The following PUM2 variants were observed in gnomAD, a reference collection of about 807,000 sequenced individuals.
PUM2 encodes the protein pumilio RNA binding family member 2.
PUM2 carries 57 observed loss-of-function variants against 124.5 expected under a neutral mutation model. The observed-to-expected ratio is 0.46, with a 90% CI of 0.37 to 0.57. The LOEUF (loss-of-function observed/expected upper bound fraction) is 0.57. Ranked by LOEUF, PUM2 falls within the 20% of genes least tolerant of loss-of-function variation. The pLI is 0.00. For synonymous variants in PUM2, 460 were observed against 446.1 expected (o/e 1.03, Z -0.39); for missense variants, 1,065 against 1,290.6 (o/e 0.83, Z 2.68).
chr2:20,324,313 T>C (rs1425924649), intron 2 of PUM2, among the ~76,000 whole-genome samples: 1 of 152,176 alleles, frequency 6.6e-6, no homozygotes, highest in East Asian at 1.9e-4. Context: ...ACATAGAATC[T>C]TAGTACACAG....
intron 13 of PUM2, among the ~76,000 whole-genome samples, chr2:20,276,442 T>C (rs1670289201): frequency 1.3e-5 from 2 of 152,026 alleles, no homozygotes; most frequent in African/African-American, 4.8e-5. Context: ...TAATCTGGAA[T>C]TAATTCCAAC....
chr2:20,333,586 AAT>A (rs1374836976), intron 1 of PUM2, among the ~76,000 whole-genome samples: 1 of 152,180 alleles, frequency 6.6e-6, no homozygotes, highest in Non-Finnish European at 1.5e-5. Flanking sequence ...GAAGCAAGAA[AAT>A]GCATTAATAT....
At chr2:20,321,367 T>C (rs1682322109) in intron 2 of PUM2, among the ~76,000 whole-genome samples, 1 of 152,168 alleles carries the variant, frequency 6.6e-6, no homozygotes, top group Admixed American at 6.5e-5. Flanking sequence ...TGTAAACCAC[T>C]TACCAAGTGT....
intron 16 of PUM2, among the ~76,000 whole-genome samples, chr2:20,256,519 C>T (rs146919343): frequency 2.0e-5 from 3 of 152,272 alleles, no homozygotes; most frequent in African/African-American, 4.8e-5. Context: ...TAATATTTAT[C>T]GGGCGGTAAC....
chr2:20,318,563 C>T lies in PUM2; in HGVS notation c.134G>A (p.Trp45Ter). 6.2e-7 allele frequency: 1 copy of T among 1,613,288 alleles called. No individual in the cohort carries two copies. Among genetic ancestry groups the T allele is most frequent in the Non-Finnish European group, 8.5e-7 (1 of 1,179,528 alleles). Residue 45 changes from tryptophan (W) to a stop codon, truncating the protein, a stop_gained, in exon 3 of 21, where the codon TGG becomes TAG. Transcript: ENST00000361078. LOFTEE classifies it high-confidence loss of function. Reference sequence around the variant, plus strand: ...AGAAGCTCCCCATGCAGTCTCTCTCCATTCATCATCCCCAAGAAATATGCC... The same window carrying T: ...AGAAGCTCCCCATGCAGTCTCTCTCTATTCATCATCCCCAAGAAATATGCC... ...QKGIFLGDDEWRETAWGASHH... is the reference protein window; with the variant it reads ...QKGIFLGDDE
chr2:20,298,073 A>G (rs1572788589), intron 7 of PUM2, among the ~76,000 whole-genome samples: 1 of 152,268 alleles, frequency 6.6e-6, no homozygotes, highest in Admixed American at 6.5e-5. Context: ...TCAATCTTAT[A>G]AAGTCACATT....
At chr2:20,273,824 T>C (rs947698232) in intron 13 of PUM2, among the ~76,000 whole-genome samples, 2 of 152,182 alleles carry the variant, frequency 1.3e-5, no homozygotes, top group African/African-American at 4.8e-5. Context: ...ATATAACATA[T>C]GTGCTTAGAC....
intron 1 of PUM2, among the ~76,000 whole-genome samples, chr2:20,344,548 A>C (rs997512371): frequency 2.0e-5 from 3 of 152,024 alleles, no homozygotes; most frequent in Admixed American, 6.6e-5. Flanking sequence ...TATCTCTCCT[A>C]TCTCTCTTTT....
At chr2:20,290,879 G>T in intron 9 of PUM2, 89 bp from the exon 10 acceptor site, 1 of 1,065,646 alleles carries the variant, frequency 9.4e-7, no homozygotes, top group Non-Finnish European at 1.3e-6. Context: ...ATTACAAACA[G>T]CCTTTGGATA....
At chr2:20,293,353 T>C (rs1674697144) in intron 9 of PUM2, among the ~76,000 whole-genome samples, 1 of 152,182 alleles carries the variant, frequency 6.6e-6, no homozygotes, top group Non-Finnish European at 1.5e-5. Flanking sequence ...TATTAAACAA[T>C]GAAGTGATAT....
intron 3 of PUM2, among the ~76,000 whole-genome samples, chr2:20,314,497 T>G (rs533351717): frequency 6.6e-6 from 1 of 152,242 alleles, no homozygotes; most frequent in Admixed American, 6.5e-5. Context: ...AACATTCAAA[T>G]AGTTTTTGCT....
intron 8 of PUM2, among the ~76,000 whole-genome samples, chr2:20,296,330 C>T (rs1490422845): frequency 1.3e-5 from 2 of 151,980 alleles, no homozygotes; most frequent in Non-Finnish European, 2.9e-5. Context: ...CCCGTCTCTA[C>T]GAAAAATACA....
intron 3 of PUM2, among the ~76,000 whole-genome samples, chr2:20,318,251 A>T (rs939967907): frequency 6.6e-6 from 1 of 152,188 alleles, no homozygotes; most frequent in South Asian, 2.1e-4. Flanking sequence ...AAAACCCTTG[A>T]TAAAATCTTA....
chr2:20,331,676 T>C (rs1055672520), intron 1 of PUM2: 2 of 151,042 alleles, frequency 1.3e-5, no homozygotes, highest in South Asian at 2.1e-4. Context: ...GTAGTAGACA[T>C]GAATTTTTCT....
At chr2:20,260,186 G>A (rs1665828813) in intron 15 of PUM2, 151 bp downstream of exon 15, 1 of 834,678 alleles carries the variant, frequency 1.2e-6, no homozygotes, top group South Asian at 2.6e-5. Flanking sequence ...TGGATAAAAT[G>A]TTTACCGCAT....
intron 14 of PUM2, among the ~76,000 whole-genome samples, 160 bp from the exon 15 acceptor site, chr2:20,260,626 T>C (rs538532544): frequency 6.6e-6 from 1 of 152,312 alleles, no homozygotes; most frequent in East Asian, 1.9e-4. Flanking sequence ...AAAAGTTATA[T>C]AGCATTTCTT....
chr2:20,266,306 G>A (rs1667632031), intron 13 of PUM2, among the ~76,000 whole-genome samples: 3 of 152,046 alleles, frequency 2.0e-5, no homozygotes, highest in Non-Finnish European at 4.4e-5. Flanking sequence ...AGCCAGGAGT[G>A]GTGGTGTGTG....
intron 10 of PUM2, among the ~76,000 whole-genome samples, chr2:20,284,862 G>A: frequency 6.6e-6 from 1 of 152,146 alleles, no homozygotes; most frequent in East Asian, 1.9e-4. Flanking sequence ...GTTGTTTTTA[G>A]TAAATACAGT....
intron 7 of PUM2, among the ~76,000 whole-genome samples, chr2:20,303,542 C>T (rs1677504987): frequency 6.7e-6 from 1 of 149,692 alleles, no homozygotes; most frequent in African/African-American, 2.5e-5. Flanking sequence ...TTTTATAATG[C>T]TGAGTTTTGC....
Sources: allele counts gnomAD v4.1 joint callset (sites outside exome capture counted in the v4.1 genomes callset), GRCh38; gene constraint gnomAD v4.1.1; transcripts MANE v1.5; gene names NCBI Gene and HGNC (gene_info 2026-07-23, HGNC 2026-07-21).